ARAP2: variants seen among roughly 807,000 people sequenced by gnomAD.
ARAP2 encodes the protein ArfGAP with RhoGAP domain, ankyrin repeat and PH domain 2, also known as arf-GAP with Rho-GAP domain, ANK repeat and PH domain-containing protein 2.
Under a neutral mutation model 194.5 loss-of-function variants are expected in ARAP2, and 148 were observed. That is an observed-to-expected ratio of 0.76 (90% CI 0.67 to 0.87). The LOEUF (loss-of-function observed/expected upper bound fraction) is 0.87. Ranked by LOEUF, ARAP2 falls within the 40% of genes least tolerant of loss-of-function variation. ARAP2 has a pLI of 0.00. For missense variants in ARAP2, 2,128 were observed against 1,989.7 expected (o/e 1.07, Z -1.32); for synonymous variants, 695 against 683.5 (o/e 1.02, Z -0.26).
rs768485787 is a variant in ARAP2 at position 36,213,276 on chromosome 4, C to CTCT, written c.1005_1007dup (p.Glu336dup). On this transcript the variant is annotated inframe_insertion, in exon 4 of 33. Transcript: ENST00000303965. ...TTTCTAGTCTCTGGAAGAGAAAGGTCTCTCCATAAGGAAAGATGGAAGATG... is the reference window on the plus strand; with the variant it reads ...TTTCTAGTCTCTGGAAGAGAAAGGTCTCTTCTCCATAAGGAAAGATGGAAGATG... 6.2e-7 allele frequency: 1 copy of CTCT among 1,608,408 alleles called. No individual in the cohort carries two copies. The highest frequency in any genetic ancestry group is 2.2e-5 in the East Asian group (1 of 44,700).
chr4:36,165,764 CA>C (rs1360836892), intron 10 of ARAP2, among the ~76,000 whole-genome samples: 1 of 152,128 alleles, frequency 6.6e-6, no homozygotes, highest in Admixed American at 6.5e-5. Flanking sequence ...TTCATTCCTT[CA>C]AGAAATATTT....
At chr4:36,007,575 C>T (rs898855365) in intron 9 of ARAP2, among the ~76,000 whole-genome samples, 2 of 152,062 alleles carry the variant, frequency 1.3e-5, no homozygotes, top group African/African-American at 2.4e-5. Context: ...CTTCTTACCC[C>T]GCGAAGTATG....
rs530413444 is a variant in ARAP2 at position 36,033,488 on chromosome 4, G to A, written n.607+12491C>T. On this transcript the variant is annotated intron_variant and non_coding_transcript_variant, in intron 5 of 12. Transcript: ENST00000503225. ...TCATGTCCTTTGCCAACTTTTCAAT[G>A]GGGTCGTTTTTTTTTTTCTTGTAAA... 1.8e-3 allele frequency among the ~76,000 whole-genome samples: 137 copies of A among 77,082 alleles called. 2 individuals carry two copies. In the South Asian group the frequency reaches 0.059, roughly 33 times the overall value. 50.6% of individuals were successfully genotyped at this position (77,082 alleles called of 152,430 possible).
chr4:36,227,475 C>T (rs1222626240), intron 2 of ARAP2, among the ~76,000 whole-genome samples: 1 of 152,196 alleles, frequency 6.6e-6, no homozygotes, highest in Non-Finnish European at 1.5e-5. Context: ...CTTACATTAA[C>T]AGAGCCTTGT....
In ARAP2 at chr4:36,092,973, A is replaced by G. The variant is rs556203927; in HGVS notation, c.4286-953T>C. ...GGTAGAACATTTACCCATCAATGAT[A>G]GACTGAATAAAGAAAATACGGTACA... On this transcript the variant is annotated intron_variant, in intron 27 of 32. Coordinates refer to ENST00000303965, the MANE Select transcript of ARAP2 (RefSeq NM_015230.4). Among the ~76,000 whole-genome samples the G allele has an allele frequency of 1.4e-4, 21 of 152,318 alleles. No individual in the cohort carries two copies. In the South Asian group the frequency reaches 1.4e-3, roughly 11 times the overall value.
chr4:36,178,243 A>G (rs577055368), intron 8 of ARAP2, among the ~76,000 whole-genome samples: 1 of 152,316 alleles, frequency 6.6e-6, no homozygotes, highest in African/African-American at 2.4e-5. Flanking sequence ...TTTATTAGAA[A>G]TGCAAAATCT....
chr4:36,016,494 C>T (rs1037672493), intron 6 of ARAP2, among the ~76,000 whole-genome samples: 4 of 142,062 alleles, frequency 2.8e-5, no homozygotes, highest in Admixed American at 2.3e-4. Context: ...ATAGCTCTTG[C>T]GTGCTTGAAA....
intron 8 of ARAP2, among the ~76,000 whole-genome samples, chr4:36,180,286 C>CAA (rs543206838): frequency 7.7e-5 from 11 of 143,406 alleles, no homozygotes; most frequent in Admixed American, 2.1e-4. Flanking sequence ...GCTCCCCCGC[C>CAA]AAAAAAAAAA....
intron 32 of ARAP2, among the ~76,000 whole-genome samples, chr4:36,071,525 G>T (rs1250127261): frequency 6.6e-6 from 1 of 152,034 alleles, no homozygotes; most frequent in Admixed American, 6.6e-5. Flanking sequence ...CCTGGATAAG[G>T]TATTCTCATA....
chr4:36,091,139 TA>T (rs1360661236), intron 28 of ARAP2, among the ~76,000 whole-genome samples: 2 of 151,908 alleles, frequency 1.3e-5, no homozygotes, highest in South Asian at 2.1e-4. Flanking sequence ...CCAGAGAATA[TA>T]AAAAAAATCA....
chr4:36,152,254 C>T (rs1731168186), intron 15 of ARAP2, among the ~76,000 whole-genome samples: 1 of 152,138 alleles, frequency 6.6e-6, no homozygotes, highest in Admixed American at 6.5e-5. Context: ...GAGACCAAAG[C>T]AATTCCTGGT....
At chr4:36,042,182 A>G (rs533309783) in intron 5 of ARAP2, among the ~76,000 whole-genome samples, 84 of 152,230 alleles carry the variant, frequency 5.5e-4, no homozygotes, top group African/African-American at 2.0e-3. Context: ...ATGAAAGTTA[A>G]AAAAAACAGA....
intron 9 of ARAP2, among the ~76,000 whole-genome samples, chr4:36,174,398 C>A (rs1737347024): frequency 6.6e-6 from 1 of 152,090 alleles, no homozygotes; most frequent in Non-Finnish European, 1.5e-5. Flanking sequence ...ATTAGCACCC[C>A]ACTGTTTTGC....
At chr4:36,215,105 T>C (rs1160928110) in intron 2 of ARAP2, among the ~76,000 whole-genome samples, 1 of 152,148 alleles carries the variant, frequency 6.6e-6, no homozygotes, top group East Asian at 1.9e-4. Flanking sequence ...ATAACAGAGT[T>C]CTCTTTTCCA....
At chr4:36,226,360 C>A (rs1750304990) in intron 2 of ARAP2, among the ~76,000 whole-genome samples, 1 of 152,118 alleles carries the variant, frequency 6.6e-6, no homozygotes, top group Non-Finnish European at 1.5e-5. Context: ...TGGAAAATAA[C>A]AGGTGTAAAA....
intron 1 of ARAP2, among the ~76,000 whole-genome samples, chr4:36,236,881 T>G (rs1752547919): frequency 6.6e-6 from 1 of 152,242 alleles, no homozygotes; most frequent in Non-Finnish European, 1.5e-5. Context: ...TTTTACTCCT[T>G]CAATTCTCTA....
At chr4:36,219,666 TAC>T (rs1216507776) in intron 2 of ARAP2, among the ~76,000 whole-genome samples, 2 of 152,190 alleles carry the variant, frequency 1.3e-5, no homozygotes, top group African/African-American at 4.8e-5. Flanking sequence ...TATATGTGTA[TAC>T]ACATTTACAT....
At chr4:36,076,484 C>T (rs1020516616) in intron 31 of ARAP2, among the ~76,000 whole-genome samples, 1 of 152,036 alleles carries the variant, frequency 6.6e-6, no homozygotes, top group African/African-American at 2.4e-5. Flanking sequence ...ATTTTCTGTA[C>T]CCATCACCTG....
intron 4 of ARAP2, among the ~76,000 whole-genome samples, chr4:36,046,357 ATTG>A (rs926880844): frequency 2.6e-5 from 4 of 151,850 alleles, no homozygotes; most frequent in African/African-American, 4.8e-5. Context: ...TTTGTTATTT[ATTG>A]TTGTTTTTTG....
Sources: gnomAD v4.1 joint callset for allele counts (sites outside exome capture counted in the v4.1 genomes callset) on GRCh38, gnomAD v4.1.1 for gene constraint, MANE v1.5 for transcripts, NCBI Gene and HGNC (gene_info 2026-07-23, HGNC 2026-07-21) for gene names.